Variants in TMEM232 observed in about 807,000 individuals in gnomAD.
TMEM232 encodes the protein transmembrane protein 232.
Under a neutral mutation model 78.8 loss-of-function variants are expected in TMEM232, and 80 were observed. That is an observed-to-expected ratio of 1.01 (90% CI 0.85 to 1.22). The LOEUF is 1.22. Among genes scored for constraint, TMEM232 ranks in the 50% most tolerant of loss-of-function variants. TMEM232 has a pLI of 0.00. For missense variants in TMEM232, 881 were observed against 742.2 expected (o/e 1.19, Z -2.17); for synonymous variants, 297 against 254.3 (o/e 1.17, Z -1.60).
At chr5:110,459,967 A>G (rs1356930344) in intron 12 of TMEM232, among the ~76,000 whole-genome samples, 1 of 152,184 alleles carries the variant, frequency 6.6e-6, no homozygotes, top group Non-Finnish European at 1.5e-5. Context: ...AAATGTCAAG[A>G]TTAAGAACCA....
At position 110,576,203 on chromosome 5, in the gene TMEM232, G is replaced by A. The variant is rs141794960; in HGVS notation, c.1277-7578C>T. Among the ~76,000 whole-genome samples, 844 of 152,020 alleles carry A rather than the reference G, an allele frequency of 5.6e-3. 14 individuals carry two copies. The highest frequency in any genetic ancestry group is 0.02 in the African/African-American group (819 of 41,508). On this transcript the variant is annotated intron_variant, in intron 10 of 13. Coordinates refer to ENST00000455884, the MANE Select transcript of TMEM232 (RefSeq NM_001039763.4). ...CAGCAAAGTCTCAGCATGCAAAATC[G>A]ATGCGCAAAAATTGTTAGCATTCCT...
rs1433270139 is a variant in TMEM232, at chr5:110,631,656, T to C, written c.502-3776A>G. On this transcript the variant is annotated intron_variant, in intron 5 of 13. Transcript: ENST00000455884. ...AGAATGACTACCATGATCAAGCTCA[T>C]GTGCAAAGGGCAGGGCTCCTTACCT... Among the ~76,000 whole-genome samples the C allele has an allele frequency of 3.3e-5, 5 of 152,278 alleles. No individual in the cohort carries two copies. The East Asian group carries it at 9.7e-4, about 29-fold the overall frequency.
chr5:110,607,404 A>T (rs1424891874), intron 8 of TMEM232, among the ~76,000 whole-genome samples: 1 of 151,872 alleles, frequency 6.6e-6, no homozygotes, highest in East Asian at 1.9e-4. Flanking sequence ...ATTTAACCTT[A>T]GTGTGGCAGG....
intron 1 of TMEM232, among the ~76,000 whole-genome samples, chr5:110,693,124 G>C (rs1322905031): frequency 1.3e-5 from 2 of 152,160 alleles, no homozygotes; most frequent in African/African-American, 4.8e-5. Context: ...GGAACAATCA[G>C]GCAGCAGCAT....
chr5:110,696,488 A>C (rs145535557), intron 1 of TMEM232, among the ~76,000 whole-genome samples: 23 of 152,146 alleles, frequency 1.5e-4, no homozygotes, highest in Non-Finnish European at 2.9e-4. Context: ...AAGGGCATTC[A>C]ATTAGGAAAA....
intron 1 of TMEM232, among the ~76,000 whole-genome samples, chr5:110,698,993 T>C (rs960361340): frequency 1.4e-4 from 22 of 151,976 alleles, no homozygotes; most frequent in African/African-American, 2.4e-4. Flanking sequence ...CTTAGAGGTG[T>C]TGGAAGGGGA....
chr5:110,716,893 T>C (rs1244682973), intron 1 of TMEM232, among the ~76,000 whole-genome samples: 2 of 152,152 alleles, frequency 1.3e-5, no homozygotes, highest in African/African-American at 2.4e-5. Flanking sequence ...CTTTTTTGTG[T>C]GTGTAGCAAT....
At chr5:110,630,738 TA>T (rs1580428277) in intron 5 of TMEM232, among the ~76,000 whole-genome samples, 1 of 152,128 alleles carries the variant, frequency 6.6e-6, no homozygotes, top group East Asian at 1.9e-4. Context: ...TACTTCTTTA[TA>T]ACAGTGTGAG....
intron 12 of TMEM232, among the ~76,000 whole-genome samples, chr5:110,435,501 T>C (rs926448184): frequency 6.6e-6 from 1 of 151,754 alleles, no homozygotes; most frequent in African/African-American, 2.4e-5. Context: ...TAGAATTAAA[T>C]AATTATTGAG....
chr5:110,690,587 C>G (rs1318012526), intron 1 of TMEM232, among the ~76,000 whole-genome samples: 2 of 152,088 alleles, frequency 1.3e-5, no homozygotes, highest in African/African-American at 4.8e-5. Context: ...TGATCTAGAA[C>G]CAGAAATACT....
At chr5:110,571,618 G>T (rs903285485) in intron 10 of TMEM232, among the ~76,000 whole-genome samples, 5 of 151,890 alleles carry the variant, frequency 3.3e-5, no homozygotes, top group Middle Eastern at 3.2e-3. Flanking sequence ...CAGGCCAGGA[G>T]ATCAAGACTA....
intron 10 of TMEM232, among the ~76,000 whole-genome samples, chr5:110,592,464 A>G (rs1165912125): frequency 1.3e-5 from 2 of 152,166 alleles, no homozygotes; most frequent in Non-Finnish European, 2.9e-5. Context: ...AGAAAAATGT[A>G]CTGACTTTGA....
intron 11 of TMEM232, among the ~76,000 whole-genome samples, chr5:110,529,900 C>A (rs943077124): frequency 6.6e-6 from 1 of 152,120 alleles, no homozygotes; most frequent in Non-Finnish European, 1.5e-5. Flanking sequence ...TATGTACATA[C>A]TATTAATTCC....
intron 11 of TMEM232, 150 bp from the exon 12 acceptor site, chr5:110,528,985 T>A: frequency 1.1e-6 from 1 of 899,518 alleles, no homozygotes; most frequent in Non-Finnish European, 1.4e-6. Flanking sequence ...TATAAAAAAA[T>A]TGCAGTTTTC....
chr5:110,521,449 G>A (rs1769490823), intron 12 of TMEM232, among the ~76,000 whole-genome samples: 2 of 152,180 alleles, frequency 1.3e-5, no homozygotes, highest in South Asian at 4.1e-4. Flanking sequence ...ATTTTGCTTT[G>A]CATTAGACTT....
chr5:110,550,557 A>C (rs2149611360), intron 11 of TMEM232, among the ~76,000 whole-genome samples: 1 of 152,176 alleles, frequency 6.6e-6, no homozygotes. Flanking sequence ...ACAAAACTAA[A>C]TTATGTTTAT....
chr5:110,441,616 G>A (rs1319175434), intron 12 of TMEM232, among the ~76,000 whole-genome samples: 2 of 152,120 alleles, frequency 1.3e-5, no homozygotes, highest in African/African-American at 4.8e-5. Context: ...TGATGATATA[G>A]CGTTTCTATA....
chr5:110,588,173 A>G (rs375499276), intron 10 of TMEM232, among the ~76,000 whole-genome samples: 6 of 152,190 alleles, frequency 3.9e-5, no homozygotes, highest in Non-Finnish European at 8.8e-5. Flanking sequence ...GTTAAAATGA[A>G]TCAAAATGAA....
intron 1 of TMEM232, among the ~76,000 whole-genome samples, chr5:110,698,385 T>G (rs553969084): frequency 6.6e-6 from 1 of 151,910 alleles, no homozygotes; most frequent in African/African-American, 2.4e-5. Context: ...TGTATATATA[T>G]GTAACGAACC....
Sources: gnomAD v4.1 joint callset for allele counts (sites outside exome capture counted in the v4.1 genomes callset) on GRCh38, gnomAD v4.1.1 for gene constraint, MANE v1.5 for transcripts, NCBI Gene and HGNC (gene_info 2026-07-23, HGNC 2026-07-21) for gene names.